NRG4: variants seen among roughly 807,000 people sequenced by gnomAD.
The protein encoded by NRG4 is pro-neuregulin-4, membrane-bound isoform.
A neutral mutation model predicts 15.0 loss-of-function variants in NRG4; 10 were observed. The observed-to-expected ratio is 0.67, with a 90% CI of 0.41 to 1.13. NRG4 has a LOEUF of 1.13. NRG4 is among the 50% of genes most tolerant of loss of function. NRG4 has a pLI of 0.00. For synonymous variants in NRG4, 41 were observed against 50.1 expected, an observed-to-expected ratio of 0.82 and a Z score of 0.77; for missense variants, 139 against 140.2, an observed-to-expected ratio of 0.99 and a Z score of 0.04.
chr15:75,941,484 TGCA>T lies in NRG4; in HGVS notation c.*2151_*2153del, dbSNP rs1223343363. The stretch of plus-strand genomic sequence containing the variant: ...GGTATATTTGTATACCAGTGTTCAC[TGCA>T]GCATTATTCACCGTAGTCAAAAGGT... On this transcript the variant is annotated 3_prime_UTR_variant, in exon 6 of 6. Transcript: ENST00000394907. The T allele has an allele frequency of 4.6e-5, 7 of 152,212 alleles. No homozygotes were observed. Among genetic ancestry groups the T allele is most frequent in the African/African-American group, 1.7e-4 (7 of 41,456 alleles). The allele number at this position is 152,212 out of a possible 1,614,324, so 9.4% of individuals were successfully genotyped here.
chr15:76,051,195 C>CG (rs1567129849), intron 4 of NRG4, among the ~76,000 whole-genome samples: 1 of 148,472 alleles, frequency 6.7e-6, no homozygotes, highest in Non-Finnish European at 1.5e-5. Context: ...TTAGTAGAGA[C>CG]GGGGTTTCAC....
At chr15:75,974,426 C>T (rs781368407) in intron 3 of NRG4, among the ~76,000 whole-genome samples, 5 of 151,952 alleles carry the variant, frequency 3.3e-5, no homozygotes, top group East Asian at 1.9e-4. Context: ...TGTGTTTGTT[C>T]TTGCTTCCTC....
At chr15:75,970,841 T>A (rs772058733) in intron 3 of NRG4, among the ~76,000 whole-genome samples, 2 of 152,150 alleles carry the variant, frequency 1.3e-5, no homozygotes, top group African/African-American at 2.4e-5. Context: ...CCAGCTGAAA[T>A]GTTGAAAGAT....
At position 75,977,979 on chromosome 15, in the gene NRG4, G is replaced by A. The variant is rs1474238615; in HGVS notation, c.105-16005C>T. Among the ~76,000 whole-genome samples, 1 of 151,966 alleles carries A rather than the reference G, an allele frequency of 6.6e-6. No individual in the cohort carries two copies. Among genetic ancestry groups the A allele is most frequent in the Non-Finnish European group, 1.5e-5 (1 of 67,990 alleles). ...TCACAGGTGCCTGCCACCATGCCCA[G>A]CTAATTTTTGTATTTTTAGTAGAGA... On this transcript the variant is annotated intron_variant, in intron 3 of 5. Transcript: ENST00000394907. This position sits in a 1 kb window ranked among gnomAD's most constrained non-coding sequence, Gnocchi z 4.9.
intron 5 of NRG4, among the ~76,000 whole-genome samples, chr15:75,952,090 A>G (rs2031935076): frequency 6.6e-6 from 1 of 152,192 alleles, no homozygotes; most frequent in African/African-American, 2.4e-5. Flanking sequence ...TTGAGATACA[A>G]TCACGTACCA....
At chr15:75,987,946 A>G (rs2141864207) in intron 3 of NRG4, among the ~76,000 whole-genome samples, 1 of 152,276 alleles carries the variant, frequency 6.6e-6, no homozygotes, top group African/African-American at 2.4e-5. Flanking sequence ...CCATCTAGGA[A>G]GCGTGTTTGA....
intron 5 of NRG4, among the ~76,000 whole-genome samples, chr15:75,947,915 A>G (rs1353463766): frequency 1.3e-5 from 2 of 152,110 alleles, no homozygotes; most frequent in Non-Finnish European, 2.9e-5. Context: ...TGTGATGTTG[A>G]GTATCTTTTT....
At chr15:76,019,341 G>A (rs2035080587) in intron 5 of NRG4, among the ~76,000 whole-genome samples, 1 of 152,188 alleles carries the variant, frequency 6.6e-6, no homozygotes, top group South Asian at 2.1e-4. Flanking sequence ...GGGGGTGAAC[G>A]GTTCTGTCTC....
intron 3 of NRG4, among the ~76,000 whole-genome samples, chr15:75,988,159 C>T (rs74024041): frequency 0.04 from 6,029 of 152,162 alleles, 216 homozygotes; most frequent in African/African-American, 0.094. Context: ...CAGAGGATGC[C>T]GACGTCAAAG....
At chr15:76,036,220 T>G (rs373857621) in intron 4 of NRG4, among the ~76,000 whole-genome samples, 2 of 152,214 alleles carry the variant, frequency 1.3e-5, no homozygotes, top group East Asian at 3.8e-4. Flanking sequence ...GATGTGGTCT[T>G]TTGAATAACA....
chr15:76,028,903 CAAAAAAAAAAAAAAA>C, intron 5 of NRG4, among the ~76,000 whole-genome samples: 1 of 54,300 alleles, frequency 1.8e-5, no homozygotes, highest in South Asian at 8.5e-4. Context: ...ACTCCTCCTC[CAAAAAAAAAAAAAAA>C]AAAAAAAAAC....
At chr15:76,003,320 G>T (rs542795097) in intron 3 of NRG4, among the ~76,000 whole-genome samples, 1 of 152,176 alleles carries the variant, frequency 6.6e-6, no homozygotes, top group South Asian at 2.1e-4. Context: ...TTAATTCTCA[G>T]AGGGAAATTT....
intron 5 of NRG4, among the ~76,000 whole-genome samples, chr15:76,029,904 C>T (rs1307866035): frequency 6.6e-6 from 1 of 152,244 alleles, no homozygotes; most frequent in African/African-American, 2.4e-5. Flanking sequence ...ACATTCTTCA[C>T]ATAAATAGCA....
intron 3 of NRG4, among the ~76,000 whole-genome samples, chr15:76,005,390 A>G (rs1038236898): frequency 8.7e-5 from 13 of 149,520 alleles, no homozygotes; most frequent in African/African-American, 2.9e-4. Context: ...TCTTAAAAAA[A>G]AAAAAAAAAA....
At chr15:76,036,486 A>G (rs187250859) in intron 4 of NRG4, among the ~76,000 whole-genome samples, 1 of 152,308 alleles carries the variant, frequency 6.6e-6, no homozygotes, top group East Asian at 1.9e-4. Context: ...TATACAGAGA[A>G]TGGGCTCTGG....
intron 5 of NRG4, among the ~76,000 whole-genome samples, chr15:76,019,357 T>C (rs886664785): frequency 1.3e-5 from 2 of 152,086 alleles, no homozygotes; most frequent in African/African-American, 4.8e-5. Flanking sequence ...GTCTCGCTGG[T>C]GTTCCAGGCA....
At chr15:76,009,128 T>C in intron 3 of NRG4, 72 bp downstream of exon 3, 2 of 797,168 alleles carry the variant, frequency 2.5e-6, no homozygotes, top group South Asian at 2.8e-5. Context: ...GTTTACTTTT[T>C]ATCACTTCTC....
intron 3 of NRG4, among the ~76,000 whole-genome samples, chr15:76,052,710 G>A (rs334928): frequency 0.047 from 7,122 of 150,932 alleles, 926 homozygotes; most frequent in African/African-American, 0.17. Flanking sequence ...TTTTCCCAAA[G>A]AGCTTTTACT....
rs554272126 is a variant in NRG4 at position 75,961,516 on chromosome 15, C to CA, written c.251+311dup. On this transcript the variant is annotated intron_variant, in intron 4 of 5. Coordinates refer to ENST00000394907, the MANE Select transcript of NRG4 (RefSeq NM_138573.4). ...TAAGTTGTTCCTTTTCTTTCACATA[C>CA]AAAATTTACTTTAAATACACCTAAC... Among the ~76,000 whole-genome samples, 71 of 152,248 alleles carry CA rather than the reference C, an allele frequency of 4.7e-4. 1 individual carries two copies. The highest frequency in any genetic ancestry group is 7.6e-4 in the Non-Finnish European group (52 of 68,008).
Sources: gnomAD v4.1 joint callset for allele counts (sites outside exome capture counted in the v4.1 genomes callset) on GRCh38, gnomAD v4.1.1 for gene constraint, Gnocchi (gnomAD v3.1) non-coding constraint, MANE v1.5 for transcripts, NCBI Gene and HGNC (gene_info 2026-07-23, HGNC 2026-07-21) for gene names.